IDO2: variants seen among roughly 807,000 people sequenced by gnomAD.
IDO2 encodes the protein indoleamine 2,3-dioxygenase 2.
A neutral mutation model predicts 45.1 loss-of-function variants in IDO2; 46 were observed. The ratio of observed to expected loss-of-function variants is 1.02; its 90% CI spans 0.80 to 1.30. The LOEUF is 1.30. Among genes scored for constraint, IDO2 ranks in the 50% most tolerant of loss-of-function variants. The pLI, the probability that IDO2 is intolerant of heterozygous loss-of-function variation, is 0.00. For synonymous variants in IDO2, 218 were observed against 184.9 expected, an observed-to-expected ratio of 1.18 and a Z score of -1.45; for missense variants, 544 against 491.8, an observed-to-expected ratio of 1.11 and a Z score of -1.00.
At chr8:39,960,442 C>T (rs1807974915) in intron 2 of IDO2, among the ~76,000 whole-genome samples, 1 of 152,108 alleles carries the variant, frequency 6.6e-6, no homozygotes, top group Admixed American at 6.6e-5. Context: ...TGTCTTCAAT[C>T]TCTCCCTCTT....
intron 8 of IDO2, among the ~76,000 whole-genome samples, chr8:40,001,340 C>T (rs1466407933): frequency 1.4e-5 from 2 of 145,532 alleles, no homozygotes; most frequent in African/African-American, 5.1e-5. Flanking sequence ...ACCTCCACTT[C>T]CTGGGTTCGA....
intron 4 of IDO2, among the ~76,000 whole-genome samples, chr8:39,981,814 T>C (rs1808357460): frequency 6.6e-6 from 1 of 152,062 alleles, no homozygotes; most frequent in Admixed American, 6.6e-5. Flanking sequence ...GGCACAAGGA[T>C]GGGGTTTGAA....
At chr8:39,955,914 A>T (rs1807884660) in intron 2 of IDO2, among the ~76,000 whole-genome samples, 1 of 152,192 alleles carries the variant, frequency 6.6e-6, no homozygotes, top group Non-Finnish European at 1.5e-5. Context: ...ATCTTTAAAT[A>T]TATTGTTGAA....
At chr8:40,010,588 A>G (rs981957357) in intron 9 of IDO2, among the ~76,000 whole-genome samples, 3 of 152,196 alleles carry the variant, frequency 2.0e-5, no homozygotes, top group Non-Finnish European at 2.9e-5. Context: ...GGTGGCTTGT[A>G]CTAGGGTACA....
At chr8:39,976,306 T>C (rs1323795342) in intron 3 of IDO2, among the ~76,000 whole-genome samples, 1 of 152,166 alleles carries the variant, frequency 6.6e-6, no homozygotes, top group Non-Finnish European at 1.5e-5. Flanking sequence ...ATCATACATA[T>C]ATGAATTTTG....
At chr8:39,991,804 C>T (rs1463092958) in intron 8 of IDO2, among the ~76,000 whole-genome samples, 2 of 152,142 alleles carry the variant, frequency 1.3e-5, no homozygotes, top group African/African-American at 4.8e-5. Flanking sequence ...CTCCTGACCT[C>T]AGGTGATCTG....
chr8:39,956,643 C>T (rs78654135), intron 2 of IDO2, among the ~76,000 whole-genome samples: 1 of 151,944 alleles, frequency 6.6e-6, no homozygotes, highest in Non-Finnish European at 1.5e-5. Flanking sequence ...TTTCTTATTC[C>T]CTGTTGAAGT....
At chr8:39,993,265 G>C (rs1434891215) in intron 8 of IDO2, among the ~76,000 whole-genome samples, 1 of 151,148 alleles carries the variant, frequency 6.6e-6, no homozygotes, top group Non-Finnish European at 1.5e-5. Context: ...CTTACTGATC[G>C]CCCCTGTTCT....
chr8:39,969,181 C>T (rs74863676), intron 3 of IDO2, among the ~76,000 whole-genome samples: 2,490 of 152,208 alleles, frequency 0.016, 71 homozygotes, highest in African/African-American at 0.057. Flanking sequence ...ATTGAAGATT[C>T]GTAGCAACCT....
chr8:39,979,513 C>T (rs1362166567), intron 4 of IDO2, among the ~76,000 whole-genome samples: 3 of 152,054 alleles, frequency 2.0e-5, no homozygotes, highest in African/African-American at 7.2e-5. Flanking sequence ...ACCACCACAC[C>T]TGGCTAATTT....
At chr8:39,963,105 T>C (rs1456022866) in intron 2 of IDO2, among the ~76,000 whole-genome samples, 2 of 152,182 alleles carry the variant, frequency 1.3e-5, no homozygotes, top group African/African-American at 4.8e-5. Flanking sequence ...TCACTTTCTC[T>C]TGAGTTTTAT....
intron 2 of IDO2, among the ~76,000 whole-genome samples, 182 bp from the exon 3 acceptor site, chr8:39,963,426 T>C (rs1808029182): frequency 6.6e-6 from 1 of 152,224 alleles, no homozygotes; most frequent in Non-Finnish European, 1.5e-5. Flanking sequence ...GGCAATATGC[T>C]CCTTAGTCAT....
At chr8:39,966,204 T>A (rs1001565700) in intron 3 of IDO2, among the ~76,000 whole-genome samples, 1 of 151,938 alleles carries the variant, frequency 6.6e-6, no homozygotes, top group African/African-American at 2.4e-5. Flanking sequence ...AATTTTTGTA[T>A]TTGTAGTAGA....
chr8:40,004,693 A>AGTT (rs1802193363), intron 8 of IDO2, among the ~76,000 whole-genome samples: 1 of 110,170 alleles, frequency 9.1e-6, no homozygotes, highest in Non-Finnish European at 2.1e-5. Context: ...ACCTTCGAAA[A>AGTT]GAAATTTAGT....
At chr8:39,973,178 A>G (rs1039113035) in intron 3 of IDO2, among the ~76,000 whole-genome samples, 3 of 152,202 alleles carry the variant, frequency 2.0e-5, no homozygotes, top group African/African-American at 7.2e-5. Flanking sequence ...GCTAGAATTA[A>G]TAAGTGCCAC....
chr8:39,970,543 C>T (rs1171705683), intron 3 of IDO2, among the ~76,000 whole-genome samples: 2 of 152,122 alleles, frequency 1.3e-5, no homozygotes, highest in Admixed American at 1.3e-4. Context: ...AGGCATCTGC[C>T]ACAACGCCTG....
chr8:39,983,988 T>C (rs982382056), intron 5 of IDO2, among the ~76,000 whole-genome samples: 2 of 152,194 alleles, frequency 1.3e-5, no homozygotes, highest in Admixed American at 6.5e-5. Context: ...TTAATTATGC[T>C]TTAATAATAA....
chr8:39,982,034 T>C (rs1024047106), intron 4 of IDO2, among the ~76,000 whole-genome samples: 3 of 152,182 alleles, frequency 2.0e-5, no homozygotes, highest in African/African-American at 7.2e-5. Flanking sequence ...TCTGTCCTCA[T>C]GCTTTTCTAG....
At chr8:39,969,425 C>A (rs1808147151) in intron 3 of IDO2, among the ~76,000 whole-genome samples, 1 of 152,150 alleles carries the variant, frequency 6.6e-6, no homozygotes, top group South Asian at 2.1e-4. Flanking sequence ...TGTGTTCTGA[C>A]TGCTCCACTG....
Sources: allele counts gnomAD v4.1 joint callset (sites outside exome capture counted in the v4.1 genomes callset), GRCh38; gene constraint gnomAD v4.1.1; transcripts MANE v1.5; gene names NCBI Gene and HGNC (gene_info 2026-07-23, HGNC 2026-07-21).